Variants in PTPN12 observed in about 807,000 individuals in gnomAD.
The protein encoded by PTPN12 is protein tyrosine phosphatase non-receptor type 12.
In PTPN12, 29 loss-of-function variants were observed where a neutral mutation model predicts 97.6. That is an observed-to-expected ratio of 0.30 (90% CI 0.22 to 0.41). PTPN12 has a LOEUF of 0.41. Among genes scored for constraint, PTPN12 ranks in the 10% least tolerant of loss-of-function variants. The pLI is 1.00. For missense variants in PTPN12, 819 were observed against 926.0 expected (o/e 0.88, Z 1.50); for synonymous variants, 327 against 300.4 (o/e 1.09, Z -0.91).
Position 77,537,987 on chromosome 7 carries a change from G to T in PTPN12, c.99+342G>T, listed in dbSNP as rs1053621051. 14 of 1,001,334 alleles carry T rather than the reference G, an allele frequency of 1.4e-5. 1 individual carries two copies. Among genetic ancestry groups the T allele is most frequent in the East Asian group, 9.5e-5 (1 of 10,542 alleles). 62.0% of individuals were successfully genotyped at this position (1,001,334 alleles called of 1,614,324 possible). A position where few individuals can be genotyped will look rare whatever the true frequency, so the allele number is the denominator to read the frequency against. ...CAAGTGAGGTGCAGGCCGGGGGGGGGGGCTCGCGTTTCCACACCTCCCCGC... is the reference window on the plus strand; with the variant it reads ...CAAGTGAGGTGCAGGCCGGGGGGGGTGGCTCGCGTTTCCACACCTCCCCGC... On this transcript the variant is annotated intron_variant, in intron 1 of 17. Coordinates refer to ENST00000248594, the MANE Select transcript of PTPN12 (RefSeq NM_002835.4).
At chr7:77,592,152 A>G (rs762873998) in intron 5 of PTPN12, 33 bp from the exon 6 acceptor site, 8 of 1,543,452 alleles carry the variant, frequency 5.2e-6, no homozygotes, top group Non-Finnish European at 7.1e-6. Context: ...AACTTACATG[A>G]ATTACTTACT....
At chr7:77,598,324 T>A (rs1293734400) in intron 7 of PTPN12, among the ~76,000 whole-genome samples, 1 of 152,218 alleles carries the variant, frequency 6.6e-6, no homozygotes, top group East Asian at 1.9e-4. Context: ...GGATCATTTG[T>A]ATTCCAGACC....
At chr7:77,540,902 A>T (rs1014256605) in intron 1 of PTPN12, among the ~76,000 whole-genome samples, 1 of 152,240 alleles carries the variant, frequency 6.6e-6, no homozygotes, top group African/African-American at 2.4e-5. Context: ...GTTCCATCAT[A>T]AAATAATGTT....
At chr7:77,556,796 C>T (rs1807734849) in intron 1 of PTPN12, among the ~76,000 whole-genome samples, 2 of 151,914 alleles carry the variant, frequency 1.3e-5, no homozygotes, top group South Asian at 4.2e-4. Context: ...CACCACTGCA[C>T]TCCAGCCTGG....
intron 9 of PTPN12, among the ~76,000 whole-genome samples, chr7:77,609,867 C>T (rs1211591854): frequency 3.4e-5 from 5 of 148,102 alleles, no homozygotes; most frequent in African/African-American, 1.0e-4. Flanking sequence ...GGCGACAGAG[C>T]GAGACTCCGT....
chr7:77,623,600 A>G (rs1789023200), intron 12 of PTPN12, among the ~76,000 whole-genome samples: 1 of 152,250 alleles, frequency 6.6e-6, no homozygotes, highest in East Asian at 1.9e-4. Context: ...AATCCCAGCT[A>G]CTTGTGAGGC....
intron 4 of PTPN12, among the ~76,000 whole-genome samples, chr7:77,584,475 A>G (rs1787622197): frequency 1.3e-5 from 2 of 152,232 alleles, no homozygotes; most frequent in South Asian, 4.1e-4. Flanking sequence ...TGTGTTGCAC[A>G]GATGTGTGTA....
At position 77,612,864 on chromosome 7, in the gene PTPN12, C is replaced by T. The variant is rs148441918; in HGVS notation, c.939+1818C>T. ...GTGCAGTGGCGCAACCTCTGCCTCC[C>T]GGGTTCAAGCGATTCTCCTGCCTCA... On this transcript the variant is annotated intron_variant, in intron 11 of 17. Transcript: ENST00000248594. Among the ~76,000 whole-genome samples the T allele has an allele frequency of 7.5e-3, 1,145 of 151,916 alleles. 8 individuals carry two copies. The highest frequency in any genetic ancestry group is 0.011 in the Non-Finnish European group (774 of 67,936).
chr7:77,559,156 G>A lies in PTPN12; in HGVS notation c.100-11922G>A, dbSNP rs528188670. ...GCCTTGGGCACTTTATTTCTAATGCGCTTCCCTTGTGGACAACGTTTCACA... is the reference window on the plus strand; with the variant it reads ...GCCTTGGGCACTTTATTTCTAATGCACTTCCCTTGTGGACAACGTTTCACA... On this transcript the variant is annotated intron_variant, in intron 1 of 17. Coordinates refer to ENST00000248594, the MANE Select transcript of PTPN12 (RefSeq NM_002835.4). Among the ~76,000 whole-genome samples, 10 of 152,244 alleles carry A rather than the reference G, an allele frequency of 6.6e-5. No homozygotes were observed. The South Asian group carries it at 1.9e-3, about 28-fold the overall frequency.
At chr7:77,587,329 T>A (rs993468325) in intron 5 of PTPN12, among the ~76,000 whole-genome samples, 1 of 152,182 alleles carries the variant, frequency 6.6e-6, no homozygotes, top group Non-Finnish European at 1.5e-5. Context: ...CTTGTACATG[T>A]CCATCAGAGC....
At chr7:77,553,456 T>C (rs922554239) in intron 1 of PTPN12, among the ~76,000 whole-genome samples, 1 of 152,244 alleles carries the variant, frequency 6.6e-6, no homozygotes, top group Non-Finnish European at 1.5e-5. Flanking sequence ...TTGGCTCACA[T>C]ATTTTTATGC....
intron 14 of PTPN12, among the ~76,000 whole-genome samples, chr7:77,632,932 G>A (rs1789453822): frequency 6.6e-6 from 1 of 152,154 alleles, no homozygotes; most frequent in Non-Finnish European, 1.5e-5. Context: ...ATTCCAGCCT[G>A]GGCGAAGAGC....
At chr7:77,599,353 A>G (rs1025952152) in intron 7 of PTPN12, among the ~76,000 whole-genome samples, 2 of 133,576 alleles carry the variant, frequency 1.5e-5, no homozygotes, top group Admixed American at 1.7e-4. Flanking sequence ...GGGTCTCACT[A>G]TATATTGCCC....
intron 5 of PTPN12, among the ~76,000 whole-genome samples, chr7:77,589,369 G>A (rs867529157): frequency 3.3e-5 from 5 of 152,058 alleles, no homozygotes; most frequent in South Asian, 2.1e-4. Flanking sequence ...TGTCCTCACT[G>A]TAGGAGGTAA....
At chr7:77,538,208 T>TGG in intron 1 of PTPN12, 1 of 533,516 alleles carries the variant, frequency 1.9e-6, no homozygotes, top group Non-Finnish European at 2.4e-6. Flanking sequence ...CTCCAACGCT[T>TGG]GGGAAAGGAT....
intron 1 of PTPN12, among the ~76,000 whole-genome samples, chr7:77,555,788 G>C (rs967506694): frequency 6.6e-6 from 1 of 151,886 alleles, no homozygotes; most frequent in Non-Finnish European, 1.5e-5. Context: ...GGTGGTGGGC[G>C]CCTGTAGTCC....
At chr7:77,626,435 T>TA (rs889181648) in intron 12 of PTPN12, among the ~76,000 whole-genome samples, 1 of 152,144 alleles carries the variant, frequency 6.6e-6, no homozygotes, top group Admixed American at 6.5e-5. Flanking sequence ...GAAGCAGCTA[T>TA]AAAAAAATGT....
Position 77,635,762 on chromosome 7 carries a change from T to C in PTPN12, c.2075-20T>C, listed in dbSNP as rs1002120027. ...CAGAAATTCAAGGTGTTAATAACAATAAGATTTCATTTTTCTCAGATACAC... is the reference window on the plus strand; with the variant it reads ...CAGAAATTCAAGGTGTTAATAACAACAAGATTTCATTTTTCTCAGATACAC... On this transcript the variant is annotated intron_variant, in intron 14 of 17. Transcript: ENST00000248594. 5.2e-6 allele frequency: 8 copies of C among 1,541,004 alleles called. No individual in the cohort carries two copies. The African/African-American group carries it at 1.1e-4, about 21-fold the overall frequency.
chr7:77,610,049 ACT>A (rs1788517123), intron 9 of PTPN12, among the ~76,000 whole-genome samples: 4 of 152,158 alleles, frequency 2.6e-5, no homozygotes, highest in South Asian at 4.1e-4. Context: ...CCAGTTTCTC[ACT>A]CTTTCAGACT....
Sources: allele counts gnomAD v4.1 joint callset (sites outside exome capture counted in the v4.1 genomes callset), GRCh38; gene constraint gnomAD v4.1.1; transcripts MANE v1.5; gene names NCBI Gene and HGNC (gene_info 2026-07-23, HGNC 2026-07-21).